Variants in RASSF8 observed in about 807,000 individuals in gnomAD.
RASSF8 encodes Ras association domain family member 8, also known as ras association domain-containing protein 8.
A neutral mutation model predicts 48.5 loss-of-function variants in RASSF8; 22 were observed. That is an observed-to-expected ratio of 0.45 (90% CI 0.32 to 0.65). The LOEUF is 0.65. RASSF8 is among the 30% of genes least tolerant of loss of function. The probability of loss-of-function intolerance (pLI) is 0.03; values close to 1 mark genes in which losing one functional copy is unlikely to be tolerated. For missense variants in RASSF8, 418 were observed against 489.2 expected, an observed-to-expected ratio of 0.85 and a Z score of 1.37; for synonymous variants, 127 against 171.5, an observed-to-expected ratio of 0.74 and a Z score of 2.03.
intron 2 of RASSF8, among the ~76,000 whole-genome samples, chr12:26,002,555 C>G (rs1053332807): frequency 2.0e-4 from 31 of 152,176 alleles, no homozygotes; most frequent in Non-Finnish European, 4.6e-4. Context: ...GCGGGCAGAT[C>G]ACGAGGTCAG....
chr12:25,984,547 T>A (rs1941827649), intron 1 of RASSF8, among the ~76,000 whole-genome samples: 1 of 152,190 alleles, frequency 6.6e-6, no homozygotes. Flanking sequence ...TTCACCATGT[T>A]GGCCAGGATG....
At chr12:26,007,791 T>A (rs771020855) in intron 2 of RASSF8, among the ~76,000 whole-genome samples, 1 of 152,204 alleles carries the variant, frequency 6.6e-6, no homozygotes, top group Non-Finnish European at 1.5e-5. Flanking sequence ...ATTGAAAGGA[T>A]CAAAATTATT....
chr12:25,998,945 T>G (rs769015545), intron 2 of RASSF8, among the ~76,000 whole-genome samples: 2 of 152,252 alleles, frequency 1.3e-5, no homozygotes, highest in Non-Finnish European at 2.9e-5. Flanking sequence ...TTACTGTTAA[T>G]ATTTTATGGG....
At position 26,069,539 on chromosome 12, in the gene RASSF8, A is replaced by C. The variant is rs1409878601; in HGVS notation, c.*721A>C. On this transcript the variant is annotated 3_prime_UTR_variant, in exon 6 of 6. Transcript: ENST00000689635. ...TAAATTGTATGTATAAAACATTTGC[A>C]GTGTTTCAGACACTGTTGAACAAAA... 3 of 985,330 alleles carry C rather than the reference A, an allele frequency of 3.0e-6. No individual in the cohort carries two copies. The South Asian group carries it at 1.4e-4, about 46-fold the overall frequency. 61.0% of individuals were successfully genotyped at this position (985,330 alleles called of 1,614,324 possible).
intron 4 of RASSF8, among the ~76,000 whole-genome samples, chr12:26,067,225 T>A (rs1309923477): frequency 1.3e-5 from 2 of 152,252 alleles, no homozygotes; most frequent in Non-Finnish European, 2.9e-5. Flanking sequence ...CACCAATGAG[T>A]TTACAGACTG....
At position 26,069,976 on chromosome 12, in the gene RASSF8, A is replaced by G. The variant is rs760445311; in HGVS notation, c.*1158A>G. 7.2e-6 allele frequency: 7 copies of G among 973,712 alleles called. No individual in the cohort carries two copies. Among genetic ancestry groups the G allele is most frequent in the South Asian group, 4.7e-5 (1 of 21,088 alleles). 60.3% of individuals were successfully genotyped at this position (973,712 alleles called of 1,614,324 possible). Reference sequence around the variant, plus strand: ...AAGACATTAATCTCCATTTGTACATATGTTATTTTATTTGTAAAACCAAAT... The same window carrying G: ...AAGACATTAATCTCCATTTGTACATGTGTTATTTTATTTGTAAAACCAAAT... On this transcript the variant is annotated 3_prime_UTR_variant, in exon 6 of 6. Coordinates refer to ENST00000689635, the MANE Select transcript of RASSF8 (RefSeq NM_001394098.1).
At chr12:26,013,834 T>A (rs906485133) in intron 2 of RASSF8, among the ~76,000 whole-genome samples, 1 of 152,212 alleles carries the variant, frequency 6.6e-6, no homozygotes, top group Non-Finnish European at 1.5e-5. Context: ...AGGTCTAAAT[T>A]AAGACTCTGA....
At position 25,968,350 on chromosome 12, in the gene RASSF8, T is replaced by C. The variant is rs191914425; in HGVS notation, c.-203+9202T>C. ...TTGTTCTTTATTTTTTATTTATTTA[T>C]TTATTTTTTTGAGACAGAGTCTCGC... On this transcript the variant is annotated intron_variant, in intron 1 of 5. Coordinates refer to ENST00000689635, the MANE Select transcript of RASSF8 (RefSeq NM_001394098.1). Among the ~76,000 whole-genome samples, 6 of 152,306 alleles carry C rather than the reference T, an allele frequency of 3.9e-5. No individual in the cohort carries two copies. In the East Asian group the frequency reaches 9.6e-4, roughly 24 times the overall value.
chr12:26,042,767 G>A (rs1943292794), intron 2 of RASSF8, among the ~76,000 whole-genome samples: 2 of 152,056 alleles, frequency 1.3e-5, no homozygotes, highest in African/African-American at 2.4e-5. Context: ...ACAAATTGTA[G>A]GTTAGAACAA....
At chr12:26,014,943 C>T (rs980508955) in intron 2 of RASSF8, among the ~76,000 whole-genome samples, 6 of 152,002 alleles carry the variant, frequency 3.9e-5, no homozygotes, top group South Asian at 4.2e-4. Flanking sequence ...TGGTGGCTCA[C>T]GCCTGTAATC....
intron 2 of RASSF8, among the ~76,000 whole-genome samples, chr12:26,016,144 T>C (rs1477443180): frequency 1.3e-5 from 2 of 151,870 alleles, no homozygotes; most frequent in Non-Finnish European, 2.9e-5. Flanking sequence ...GCATGGAAAA[T>C]TCATTCATTT....
At chr12:26,000,833 ATTGCCTAGAATGGAGC>A (rs1456787322) in intron 2 of RASSF8, among the ~76,000 whole-genome samples, 1 of 152,162 alleles carries the variant, frequency 6.6e-6, no homozygotes, top group Non-Finnish European at 1.5e-5. Flanking sequence ...TGTATGGGGT[ATTGCCTAGAATGGAGC>A]TTGCAGGTCT....
chr12:26,043,955 G>A (rs890653301), intron 2 of RASSF8, among the ~76,000 whole-genome samples: 5 of 152,248 alleles, frequency 3.3e-5, no homozygotes, highest in East Asian at 3.9e-4. Flanking sequence ...CTTGATCTTC[G>A]AGGTGATTAG....
At chr12:26,050,048 G>T (rs1387648054) in intron 2 of RASSF8, among the ~76,000 whole-genome samples, 1 of 152,186 alleles carries the variant, frequency 6.6e-6, no homozygotes, top group Non-Finnish European at 1.5e-5. Flanking sequence ...CTCCCAAAGT[G>T]CTGGAATTAC....
intron 2 of RASSF8, among the ~76,000 whole-genome samples, chr12:26,045,193 A>G (rs1272562262): frequency 6.6e-6 from 1 of 152,164 alleles, no homozygotes; most frequent in East Asian, 1.9e-4. Context: ...AATAGCCTTA[A>G]TTTAACAAAG....
At chr12:26,026,688 G>A (rs151080733) in intron 2 of RASSF8, among the ~76,000 whole-genome samples, 2 of 152,160 alleles carry the variant, frequency 1.3e-5, no homozygotes, top group East Asian at 1.9e-4. Context: ...CGCCCACCTC[G>A]GCCCCCCAAA....
At chr12:26,032,420 T>G (rs1176717717) in intron 2 of RASSF8, among the ~76,000 whole-genome samples, 1 of 152,200 alleles carries the variant, frequency 6.6e-6, no homozygotes, top group Non-Finnish European at 1.5e-5. Flanking sequence ...CTAGCACTGT[T>G]TGTATGGAGA....
In RASSF8 at chr12:26,065,443, G is replaced by A. The variant is rs376534603; in HGVS notation, c.993+56G>A. 57 of 1,494,348 alleles carry A rather than the reference G, an allele frequency of 3.8e-5. 1 individual carries two copies. The South Asian group carries it at 7.4e-4, about 19-fold the overall frequency. The allele number at this position is 1,494,348 out of a possible 1,614,324, so 92.6% of individuals were successfully genotyped here. On this transcript the variant is annotated intron_variant, in intron 4 of 5. Coordinates refer to ENST00000689635, the MANE Select transcript of RASSF8 (RefSeq NM_001394098.1). ...GCCCATGTAAAATAGTATCTTCTTG[G>A]AATCTCCTTTTCATCATTGTCAATT... is the stretch of plus-strand genomic sequence containing the variant.
In RASSF8 at chr12:25,959,007, GCGGGGAGCGC is replaced by G. The variant is rs558048169; in HGVS notation, c.-336_-327del. On this transcript the variant is annotated 5_prime_UTR_variant, in exon 1 of 6. Coordinates refer to ENST00000689635, the MANE Select transcript of RASSF8 (RefSeq NM_001394098.1). ...CTCCAGCCGGTGCGGGGCGCGCGGC[GCGGGGAGCGC>G]CGGGGAGTGCCGGGGAGTGCGGCGC... is the stretch of plus-strand genomic sequence containing the variant. The G allele has an allele frequency of 0.011, 1,641 of 147,186 alleles. 128 individuals carry two copies. The East Asian group carries it at 0.23, about 20-fold the overall frequency. 9.1% of individuals were successfully genotyped at this position (147,186 alleles called of 1,614,324 possible). A position where few individuals can be genotyped will look rare whatever the true frequency, so the allele number is the denominator to read the frequency against.
Sources: allele counts gnomAD v4.1 joint callset (sites outside exome capture counted in the v4.1 genomes callset), GRCh38; gene constraint gnomAD v4.1.1; transcripts MANE v1.5; gene names NCBI Gene and HGNC (gene_info 2026-07-23, HGNC 2026-07-21).